The following EPB41 variants were observed in gnomAD, a reference collection of about 807,000 sequenced individuals.
The protein encoded by EPB41 is erythrocyte membrane protein band 4.1.
In EPB41, 65 loss-of-function variants were observed where a neutral mutation model predicts 108.0. The observed-to-expected ratio is 0.60, with a 90% CI of 0.49 to 0.74. EPB41 has a LOEUF of 0.74. Ranked by LOEUF, EPB41 falls within the 30% of genes least tolerant of loss-of-function variation. The probability of loss-of-function intolerance (pLI) is 0.00; values close to 1 mark genes in which losing one functional copy is unlikely to be tolerated. For missense variants in EPB41, 875 were observed against 1,037.0 expected, an observed-to-expected ratio of 0.84 and a Z score of 2.15; for synonymous variants, 336 against 358.9, an observed-to-expected ratio of 0.94 and a Z score of 0.72.
chr1:28,891,097 G>C (rs558551545), intron 1 of EPB41: 1 of 617,766 alleles, frequency 1.6e-6, no homozygotes, highest in African/African-American at 2.0e-5. Context: ...GCCCCACGCA[G>C]CTACTGCCCA....
chr1:29,104,494 C>T (rs1666474647), intron 17 of EPB41, among the ~76,000 whole-genome samples: 1 of 152,192 alleles, frequency 6.6e-6, no homozygotes, highest in South Asian at 2.1e-4. Context: ...CAGTTCACTG[C>T]AGCCTCGACC....
intron 1 of EPB41, among the ~76,000 whole-genome samples, chr1:28,977,617 A>C (rs1026290328): frequency 3.9e-5 from 6 of 152,170 alleles, no homozygotes; most frequent in African/African-American, 1.4e-4. Flanking sequence ...AAGTAAATGG[A>C]TACCTCCTTT....
intron 7 of EPB41, among the ~76,000 whole-genome samples, chr1:29,025,216 C>T (rs2096704295): frequency 6.6e-6 from 1 of 151,962 alleles, no homozygotes; most frequent in Non-Finnish European, 1.5e-5. Context: ...CTATTGTCCC[C>T]CACTTAATTC....
At chr1:28,924,761 A>G (rs1423712341) in intron 1 of EPB41, among the ~76,000 whole-genome samples, 1 of 152,186 alleles carries the variant, frequency 6.6e-6, no homozygotes, top group Non-Finnish European at 1.5e-5. Context: ...ACATTGGGAC[A>G]TAGCAGTGAA....
intron 1 of EPB41, among the ~76,000 whole-genome samples, chr1:28,940,644 T>G (rs2094243845): frequency 6.6e-6 from 1 of 152,052 alleles, no homozygotes; most frequent in Non-Finnish European, 1.5e-5. Flanking sequence ...AGAGCGAGAC[T>G]CTGTGTCAAA....
intron 1 of EPB41, among the ~76,000 whole-genome samples, chr1:28,937,640 G>A (rs1033397418): frequency 2.0e-5 from 3 of 152,150 alleles, no homozygotes; most frequent in African/African-American, 7.2e-5. Context: ...TGATCTGCCC[G>A]CCTTGGCCTC....
intron 1 of EPB41, among the ~76,000 whole-genome samples, chr1:28,888,501 C>T (rs1333293139): frequency 1.3e-5 from 2 of 152,318 alleles, no homozygotes; most frequent in East Asian, 3.9e-4. Flanking sequence ...AATGACAGAC[C>T]CGCAAGTCTA....
chr1:29,057,852 G>T (rs78033060), intron 12 of EPB41, among the ~76,000 whole-genome samples: 1,532 of 152,190 alleles, frequency 0.01, 14 homozygotes, highest in Non-Finnish European at 0.014. Context: ...GATGAATCTT[G>T]CCCTTCTACC....
rs553572141 is a variant in EPB41 at position 29,025,714 on chromosome 1, G to A, written c.1125-4686G>A. Among the ~76,000 whole-genome samples, 99 of 151,996 alleles carry A rather than the reference G, an allele frequency of 6.5e-4. 1 individual carries two copies. The highest frequency in any genetic ancestry group is 1.1e-3 in the Non-Finnish European group (77 of 68,020). On this transcript the variant is annotated intron_variant, in intron 7 of 20. Transcript: ENST00000343067. Reference sequence around the variant, plus strand: ...ATTTTCCAAATTTTATACAGTGAATGTGTATGATTTTTATAATCAGATAAA... The same window carrying A: ...ATTTTCCAAATTTTATACAGTGAATATGTATGATTTTTATAATCAGATAAA...
At chr1:29,054,620 C>T (rs1350265399) in intron 12 of EPB41, 2 of 149,970 alleles carry the variant, frequency 1.3e-5, no homozygotes, top group Admixed American at 6.6e-5. Context: ...GAGAGCAAGG[C>T]GGGCGGATCC....
chr1:29,045,361 A>G (rs1251011089), intron 11 of EPB41, among the ~76,000 whole-genome samples: 1 of 151,738 alleles, frequency 6.6e-6, no homozygotes, highest in Non-Finnish European at 1.5e-5. Context: ...GCTATTTTAT[A>G]TTAATATTAT....
chr1:28,901,912 C>G (rs1377934729), intron 1 of EPB41, among the ~76,000 whole-genome samples: 1 of 152,172 alleles, frequency 6.6e-6, no homozygotes, highest in Non-Finnish European at 1.5e-5. Context: ...ATCCATAGCA[C>G]TTATGACTCT....
intron 1 of EPB41, among the ~76,000 whole-genome samples, chr1:28,900,429 A>G (rs1297803618): frequency 9.4e-6 from 1 of 106,734 alleles, no homozygotes; most frequent in Non-Finnish European, 2.2e-5. Context: ...CTGGGGATAT[A>G]AGCATGCACC....
chr1:29,053,096 T>G lies in EPB41; in HGVS notation c.1637-8T>G. 1 of 1,613,610 alleles carries G rather than the reference T, an allele frequency of 6.2e-7. No homozygotes were observed. The highest frequency in any genetic ancestry group is 8.5e-7 in the Non-Finnish European group (1 of 1,179,990). ...TACTTATGCTTCCCTTTTCCCTTTC[T>G]CACATAGCAGCAGCTGTCGATTCGG... is the stretch of plus-strand genomic sequence containing the variant. On this transcript the variant is annotated splice_polypyrimidine_tract_variant and splice_region_variant and intron_variant, in intron 11 of 20. Coordinates refer to ENST00000343067, the MANE Select transcript of EPB41 (RefSeq NM_001376013.1).
In EPB41 at chr1:28,887,677, C is replaced by T. The variant is rs1194962073; in HGVS notation, c.-8+467C>T. The T allele has an allele frequency of 1.0e-6, 1 of 985,100 alleles. No homozygotes were observed. The highest frequency in any genetic ancestry group is 1.7e-5 in the African/African-American group (1 of 57,218). The allele number at this position is 985,100 out of a possible 1,614,324, so 61.0% of individuals were successfully genotyped here. On this transcript the variant is annotated intron_variant, in intron 1 of 16. Transcript: ENST00000347529. This position sits in a 1 kb window ranked among gnomAD's most constrained non-coding sequence, Gnocchi z 4.9. ...GAGGGGGCTCCGGGGCCTGGAGCCC[C>T]GCGCCCCGCTCCGGCCCTTACGTAA...
In EPB41 at chr1:29,090,675, G is replaced by A. The variant is rs563363089; in HGVS notation, c.2185-7132G>A. Among the ~76,000 whole-genome samples the A allele has an allele frequency of 3.9e-5, 6 of 152,328 alleles. No individual in the cohort carries two copies. The East Asian group carries it at 1.2e-3, about 29-fold the overall frequency. ...TGAGGCAAGAGAATCGCTTGAACCT[G>A]GGAGGCAGAGGTTGCAGTGAGCTGA... On this transcript the variant is annotated intron_variant, in intron 16 of 20. Coordinates refer to ENST00000343067, the MANE Select transcript of EPB41 (RefSeq NM_001376013.1).
At chr1:28,978,936 C>G (rs1414368863) in intron 1 of EPB41, among the ~76,000 whole-genome samples, 1 of 151,402 alleles carries the variant, frequency 6.6e-6, no homozygotes, top group African/African-American at 2.5e-5. Flanking sequence ...GAGTCTCCAG[C>G]TTGCACACAG....
chr1:28,988,043 A>G, intron 2 of EPB41, 138 bp downstream of exon 2: 1 of 878,528 alleles, frequency 1.1e-6, no homozygotes, highest in Non-Finnish European at 1.8e-6. Context: ...CAGGCGGATC[A>G]ACTGAGGTCA....
At chr1:29,055,007 C>T (rs80182393) in intron 12 of EPB41, among the ~76,000 whole-genome samples, 1 of 152,172 alleles carries the variant, frequency 6.6e-6, no homozygotes, top group African/African-American at 2.4e-5. Flanking sequence ...CACTGCACTC[C>T]AGCCTGAGTG....
Sources: allele counts gnomAD v4.1 joint callset (sites outside exome capture counted in the v4.1 genomes callset), GRCh38; gene constraint gnomAD v4.1.1; non-coding constraint Gnocchi (gnomAD v3.1); transcripts MANE v1.5; gene names NCBI Gene and HGNC (gene_info 2026-07-23, HGNC 2026-07-21).